CCDC91: variants seen among roughly 807,000 people sequenced by gnomAD.
CCDC91 encodes coiled-coil domain containing 91.
A neutral mutation model predicts 63.2 loss-of-function variants in CCDC91; 48 were observed. The ratio of observed to expected loss-of-function variants is 0.76; its 90% confidence interval spans 0.60 to 0.97. CCDC91 has a LOEUF of 0.97. CCDC91 is among the 50% of genes least tolerant of loss of function. The probability of loss-of-function intolerance (pLI) is 0.00; values close to 1 mark genes in which losing one functional copy is unlikely to be tolerated. For missense variants in CCDC91, 500 were observed against 494.6 expected (o/e 1.01, Z -0.10); for synonymous variants, 167 against 165.8 (o/e 1.01, Z -0.06).
chr12:28,424,604 G>A (rs934607474), intron 8 of CCDC91, among the ~76,000 whole-genome samples: 3 of 151,640 alleles, frequency 2.0e-5, no homozygotes, highest in African/African-American at 7.3e-5. Flanking sequence ...TTTTTCCATT[G>A]AAGTTCATCT....
At chr12:28,265,499 A>G (rs1330948213) in intron 3 of CCDC91, among the ~76,000 whole-genome samples, 1 of 152,084 alleles carries the variant, frequency 6.6e-6, no homozygotes, top group African/African-American at 2.4e-5. Context: ...AGACATTGGC[A>G]GAGAGAAACC....
At chr12:28,510,870 T>G (rs1939298800) in intron 12 of CCDC91, among the ~76,000 whole-genome samples, 2 of 151,846 alleles carry the variant, frequency 1.3e-5, no homozygotes, top group Non-Finnish European at 2.9e-5. Context: ...GAAGAAAGTC[T>G]TAGCATGTTC....
chr12:28,212,267 G>A (rs542067839), intron 1 of CCDC91, among the ~76,000 whole-genome samples: 6 of 152,288 alleles, frequency 3.9e-5, no homozygotes, highest in South Asian at 2.1e-4. Context: ...GGCAATGAAC[G>A]ATTTGTGAAT....
chr12:28,385,747 A>C (rs892661199), intron 7 of CCDC91, among the ~76,000 whole-genome samples: 1 of 152,172 alleles, frequency 6.6e-6, no homozygotes, highest in African/African-American at 2.4e-5. Flanking sequence ...TAATTTGATG[A>C]GGCTGGAATC....
rs562801849 is a variant in CCDC91, at chr12:28,480,592, A to G, written c.1102-3460A>G. Among the ~76,000 whole-genome samples the G allele has an allele frequency of 2.0e-5, 3 of 152,116 alleles. No individual in the cohort carries two copies. The East Asian group carries it at 5.8e-4, about 29-fold the overall frequency. On this transcript the variant is annotated intron_variant, in intron 11 of 12. Coordinates refer to ENST00000536442, the MANE Select transcript of CCDC91 (RefSeq NM_018318.5). ...GAACCCAGCATAACATGTGTATCTC[A>G]TCTTTGCACCTCTAGTTTATCACTC...
intron 11 of CCDC91, among the ~76,000 whole-genome samples, chr12:28,481,010 C>A (rs1264290909): frequency 6.6e-6 from 1 of 151,834 alleles, no homozygotes; most frequent in Non-Finnish European, 1.5e-5. Flanking sequence ...AAGTTTTTAG[C>A]CCTGAATGAC....
chr12:28,271,893 A>G (rs1947792203), intron 3 of CCDC91, among the ~76,000 whole-genome samples: 1 of 149,040 alleles, frequency 6.7e-6, no homozygotes, highest in African/African-American at 2.4e-5. Flanking sequence ...TACATAATAT[A>G]TGCTATATAT....
At chr12:28,250,406 C>T (rs1056419810) in intron 1 of CCDC91, among the ~76,000 whole-genome samples, 4 of 152,114 alleles carry the variant, frequency 2.6e-5, no homozygotes, top group African/African-American at 9.7e-5. Context: ...CCAAGTTTCA[C>T]TGGTAGTAGA....
chr12:28,403,078 G>C (rs1946735505), intron 8 of CCDC91, among the ~76,000 whole-genome samples: 1 of 152,090 alleles, frequency 6.6e-6, no homozygotes, highest in Non-Finnish European at 1.5e-5. Flanking sequence ...CTCACAAAAT[G>C]TTTATGATTA....
intron 1 of CCDC91, among the ~76,000 whole-genome samples, chr12:28,213,658 A>G (rs1592002332): frequency 6.6e-6 from 1 of 152,210 alleles, no homozygotes; most frequent in East Asian, 1.9e-4. Context: ...CTTCTGCCAA[A>G]ACTACCAGAC....
intron 11 of CCDC91, among the ~76,000 whole-genome samples, chr12:28,471,034 A>G (rs1414911643): frequency 6.6e-6 from 1 of 152,208 alleles, no homozygotes; most frequent in African/African-American, 2.4e-5. Context: ...TTTTGAAGAA[A>G]AAAATACAGT....
In CCDC91 at chr12:28,500,951, C is replaced by T. The variant is rs114744062; in HGVS notation, c.1215+16786C>T. ...CAAGTCATAGAAATTCTCATATATA[C>T]TTCAGGTTCTTCAATTTTTTTAAAT... On this transcript the variant is annotated intron_variant, in intron 12 of 12. Coordinates refer to ENST00000536442, the MANE Select transcript of CCDC91 (RefSeq NM_018318.5). 5.6e-3 allele frequency among the ~76,000 whole-genome samples: 844 copies of T among 151,742 alleles called. 8 individuals are homozygous for T. Among genetic ancestry groups the T allele is most frequent in the African/African-American group, 0.02 (819 of 41,474 alleles).
intron 8 of CCDC91, among the ~76,000 whole-genome samples, chr12:28,396,674 GTGTGT>G (rs1565908690): frequency 6.7e-6 from 1 of 149,968 alleles, no homozygotes; most frequent in African/African-American, 2.5e-5. Context: ...GTGTGTGTGT[GTGTGT>G]GGGCATGTGT....
chr12:28,270,905 GAC>G (rs1348621691), intron 3 of CCDC91, among the ~76,000 whole-genome samples: 1 of 152,136 alleles, frequency 6.6e-6, no homozygotes, highest in Admixed American at 6.6e-5. Context: ...GCACAGGTGA[GAC>G]AATGGGGAAC....
chr12:28,267,235 G>C (rs1245117036), intron 3 of CCDC91, among the ~76,000 whole-genome samples: 3 of 151,558 alleles, frequency 2.0e-5, no homozygotes, highest in Non-Finnish European at 2.9e-5. Context: ...ATTGTGTCGT[G>C]TCTATTTTTT....
intron 10 of CCDC91, 39 bp downstream of exon 10, chr12:28,450,457 T>C (rs1163912707): frequency 7.1e-7 from 1 of 1,399,930 alleles, no homozygotes. Context: ...TGTAAGTAAG[T>C]GGAATTAAAA....
intron 6 of CCDC91, among the ~76,000 whole-genome samples, chr12:28,318,083 A>G (rs545110188): frequency 1.3e-5 from 2 of 152,024 alleles, no homozygotes; most frequent in South Asian, 2.1e-4. Flanking sequence ...CTCTTTTTTT[A>G]TTAGAAAAAA....
At chr12:28,315,510 T>G (rs773427690) in intron 6 of CCDC91, among the ~76,000 whole-genome samples, 1 of 152,014 alleles carries the variant, frequency 6.6e-6, no homozygotes, top group South Asian at 2.1e-4. Flanking sequence ...GCAATGAACT[T>G]GAAAATTTTG....
chr12:28,384,790 A>C (rs1945501373), intron 7 of CCDC91, among the ~76,000 whole-genome samples: 1 of 151,970 alleles, frequency 6.6e-6, no homozygotes, highest in African/African-American at 2.4e-5. Flanking sequence ...GTCTGTCTTC[A>C]TTTGTAAGGC....
Sources: gnomAD v4.1 joint callset for allele counts (sites outside exome capture counted in the v4.1 genomes callset) on GRCh38, gnomAD v4.1.1 for gene constraint, MANE v1.5 for transcripts, NCBI Gene and HGNC (gene_info 2026-07-23, HGNC 2026-07-21) for gene names.